Variants in RTF1 observed in about 807,000 individuals in gnomAD.
RTF1 encodes the protein RNA polymerase-associated protein RTF1 homolog.
A neutral mutation model predicts 95.7 loss-of-function variants in RTF1; 10 were observed. The observed-to-expected ratio is 0.10, with a 90% CI of 0.06 to 0.18. RTF1 has a LOEUF of 0.18. Among genes scored for constraint, RTF1 ranks in the 10% least tolerant of loss-of-function variants. RTF1 has a pLI of 1.00. For missense variants in RTF1, 458 were observed against 875.6 expected (o/e 0.52, Z 6.02); for synonymous variants, 305 against 311.8 (o/e 0.98, Z 0.23).
intron 1 of RTF1, among the ~76,000 whole-genome samples, chr15:41,422,080 AC>A (rs1251772080): frequency 1.3e-5 from 2 of 151,802 alleles, no homozygotes; most frequent in African/African-American, 4.8e-5. Context: ...TATCGCCCAG[AC>A]TGGAGTACAA....
chr15:41,429,537 A>G (rs184275367), intron 1 of RTF1, among the ~76,000 whole-genome samples: 1 of 150,394 alleles, frequency 6.6e-6, no homozygotes, highest in East Asian at 2.0e-4. Context: ...ATGGCTTCCC[A>G]CTGCCTAACT....
At position 41,481,279 on chromosome 15, in the gene RTF1, GTA is replaced by G. The variant is rs1179702815; in HGVS notation, c.*594_*595del. The G allele has an allele frequency of 3.3e-5, 5 of 153,302 alleles. No homozygotes were observed. The highest frequency in any genetic ancestry group is 7.3e-5 in the African/African-American group (3 of 40,910). The allele number at this position is 153,302 out of a possible 1,614,324, so 9.5% of individuals were successfully genotyped here. A position where few individuals can be genotyped will look rare whatever the true frequency, so the allele number is the denominator to read the frequency against. On this transcript the variant is annotated 3_prime_UTR_variant, in exon 18 of 18. Transcript: ENST00000389629. ...GGGTCTAATTTGAGAGCGAGAGTGT[GTA>G]TGTGTGTGTGTGTAAGTGTGTGGAT... is the stretch of plus-strand genomic sequence containing the variant.
At chr15:41,433,843 C>CTTTTT (rs11326489) in intron 1 of RTF1, among the ~76,000 whole-genome samples, 1 of 126,078 alleles carries the variant, frequency 7.9e-6, no homozygotes. Flanking sequence ...TGCTACCACA[C>CTTTTT]TTTTTTTTTT....
At position 41,479,864 on chromosome 15, in the gene RTF1, C is replaced by CA. The variant is rs72095200; in HGVS notation, c.1915-333dup. Among the ~76,000 whole-genome samples, 344 of 85,932 alleles carry CA rather than the reference C, an allele frequency of 4.0e-3. 1 individual carries two copies. The highest frequency in any genetic ancestry group is 5.5e-3 in the Admixed American group (42 of 7,704). 56.4% of individuals were successfully genotyped at this position (85,932 alleles called of 152,430 possible). A position where few individuals can be genotyped will look rare whatever the true frequency, so the allele number is the denominator to read the frequency against. ...GGTGACAAGAGTGAGACTCCCACCT[C>CA]AAAAAAAAAAAAAAAAAGCAGTTTT... is the stretch of plus-strand genomic sequence containing the variant. On this transcript the variant is annotated intron_variant, in intron 16 of 17. Transcript: ENST00000389629.
intron 7 of RTF1, 152 bp downstream of exon 7, chr15:41,470,544 A>G (rs1028156412): frequency 2.6e-6 from 2 of 782,292 alleles, no homozygotes; most frequent in African/African-American, 1.7e-5. Context: ...ACGTCAGCCC[A>G]TTCATTTGGC....
At chr15:41,418,044 C>CCA (rs2050580806) in intron 1 of RTF1, among the ~76,000 whole-genome samples, 1 of 152,172 alleles carries the variant, frequency 6.6e-6, no homozygotes, top group Admixed American at 6.6e-5. Context: ...CCCTTTCACG[C>CCA]AGCATCCCAG....
intron 2 of RTF1, among the ~76,000 whole-genome samples, chr15:41,449,484 C>T (rs1038363090): frequency 6.6e-6 from 1 of 152,004 alleles, no homozygotes; most frequent in African/African-American, 2.4e-5. Context: ...GCCCAGCCGG[C>T]AGCAGGTGAT....
intron 11 of RTF1, 151 bp downstream of exon 11, chr15:41,475,970 A>T: frequency 1.7e-6 from 1 of 588,294 alleles, no homozygotes; most frequent in Admixed American, 3.1e-5. Flanking sequence ...TTTATAGTTC[A>T]TCAAGCTTTT....
intron 2 of RTF1, among the ~76,000 whole-genome samples, chr15:41,439,767 T>C (rs1397965329): frequency 6.6e-6 from 1 of 152,160 alleles, no homozygotes; most frequent in East Asian, 1.9e-4. Context: ...TTCTCCTGCC[T>C]CAGCCTCCCA....
At chr15:41,427,715 C>T (rs375448597) in intron 1 of RTF1, among the ~76,000 whole-genome samples, 3 of 152,074 alleles carry the variant, frequency 2.0e-5, no homozygotes, top group Non-Finnish European at 4.4e-5. Flanking sequence ...TGCCGATGCT[C>T]GCCTGACAGA....
At position 41,471,133 on chromosome 15, in the gene RTF1, T is replaced by C. The variant is rs779568614; in HGVS notation, c.1026-39T>C. On this transcript the variant is annotated intron_variant, in intron 7 of 17. Coordinates refer to ENST00000389629, the MANE Select transcript of RTF1 (RefSeq NM_015138.5). ...ATTTTTCTGTCTTGTTCTGTTTTTATGATGAACATTTTTTCCAGTGCCCCT... is the reference window on the plus strand; with the variant it reads ...ATTTTTCTGTCTTGTTCTGTTTTTACGATGAACATTTTTTCCAGTGCCCCT... 5 of 1,549,228 alleles carry C rather than the reference T, an allele frequency of 3.2e-6. No individual in the cohort carries two copies. In the African/African-American group the frequency reaches 5.5e-5, roughly 17 times the overall value.
intron 2 of RTF1, among the ~76,000 whole-genome samples, chr15:41,447,230 G>A (rs1566841691): frequency 6.6e-6 from 1 of 152,170 alleles, no homozygotes; most frequent in South Asian, 2.1e-4. Context: ...GGTATTCCTT[G>A]CTCATTAGAG....
intron 2 of RTF1, among the ~76,000 whole-genome samples, chr15:41,449,929 G>T (rs1020814593): frequency 6.6e-6 from 1 of 152,028 alleles, no homozygotes; most frequent in Non-Finnish European, 1.5e-5. Flanking sequence ...GGGCGCAGTG[G>T]TTCATGCTTG....
At position 41,480,574 on chromosome 15, in the gene RTF1, C is replaced by T. The variant is rs964143231; in HGVS notation, c.2027-7C>T. The T allele has an allele frequency of 8.7e-6, 14 of 1,608,122 alleles. No individual in the cohort carries two copies. The highest frequency in any genetic ancestry group is 3.3e-4 in the Middle Eastern group (2 of 6,054). ...CTCAGCTGCCAACTTGCTCTTCTTTCCCACAGAGTCAAAGGCTTTAGCCAT... is the reference window on the plus strand; with the variant it reads ...CTCAGCTGCCAACTTGCTCTTCTTTTCCACAGAGTCAAAGGCTTTAGCCAT... On this transcript the variant is annotated splice_polypyrimidine_tract_variant and splice_region_variant and intron_variant, in intron 17 of 17. Transcript: ENST00000389629.
chr15:41,466,847 A>G (rs1402990255), intron 6 of RTF1, among the ~76,000 whole-genome samples: 2 of 152,114 alleles, frequency 1.3e-5, no homozygotes, highest in African/African-American at 4.8e-5. Context: ...CTGGTTTCTC[A>G]CATTGCTGAC....
chr15:41,424,004 T>C (rs1000198900), intron 1 of RTF1, among the ~76,000 whole-genome samples: 3 of 152,160 alleles, frequency 2.0e-5, no homozygotes, highest in Non-Finnish European at 2.9e-5. Flanking sequence ...CCGCCCTCCT[T>C]GGCTTCCCCA....
intron 8 of RTF1, among the ~76,000 whole-genome samples, chr15:41,472,705 C>CTT (rs767696780): frequency 2.4e-5 from 3 of 127,184 alleles, no homozygotes; most frequent in Non-Finnish European, 3.4e-5. Flanking sequence ...GACTGAGTCT[C>CTT]TTTTTTTTTT....
At position 41,432,495 on chromosome 15, in the gene RTF1, C is replaced by T. The variant is rs1049471652; in HGVS notation, c.199-5826C>T. Among the ~76,000 whole-genome samples, 3 of 151,916 alleles carry T rather than the reference C, an allele frequency of 2.0e-5. No homozygotes were observed. In the East Asian group the frequency reaches 5.8e-4, roughly 29 times the overall value. ...TACAGGCGTGAGCCACTGCGCCCGG[C>T]CTAGGTTTTCAGTATGTAGAGCGGA... On this transcript the variant is annotated intron_variant, in intron 1 of 17. Transcript: ENST00000389629.
At chr15:41,480,486 A>G (rs1436202482) in intron 17 of RTF1, 95 bp from the exon 18 acceptor site, 13 of 1,024,394 alleles carry the variant, frequency 1.3e-5, no homozygotes, top group Non-Finnish European at 1.8e-5. Context: ...GAGAGGGAAC[A>G]GGGCCACAGT....
Sources: allele counts gnomAD v4.1 joint callset (sites outside exome capture counted in the v4.1 genomes callset), GRCh38; gene constraint gnomAD v4.1.1; transcripts MANE v1.5; gene names NCBI Gene and HGNC (gene_info 2026-07-23, HGNC 2026-07-21).